The following BABAM2 variants were observed in gnomAD, a reference collection of about 807,000 sequenced individuals.
BABAM2 encodes the protein BRISC and BRCA1 A complex member 2, also known as BRISC and BRCA1-A complex member 2.
Under a neutral mutation model 54.7 loss-of-function variants are expected in BABAM2, and 31 were observed. The ratio of observed to expected loss-of-function variants is 0.57; its 90% CI spans 0.43 to 0.77. The LOEUF (loss-of-function observed/expected upper bound fraction) is 0.77. Ranked by LOEUF, BABAM2 falls within the 30% of genes least tolerant of loss-of-function variation. The pLI is 0.00. For synonymous variants in BABAM2, 167 were observed against 162.9 expected (o/e 1.03, Z -0.19); for missense variants, 364 against 455.8 (o/e 0.80, Z 1.83).
chr2:28,107,748 T>G (rs546982210), intron 6 of BABAM2, among the ~76,000 whole-genome samples: 31 of 152,214 alleles, frequency 2.0e-4, no homozygotes, highest in Admixed American at 5.2e-4. Flanking sequence ...ATGAATAGTT[T>G]AGTTGTTTAT....
chr2:28,092,777 T>G (rs199899381), intron 6 of BABAM2, among the ~76,000 whole-genome samples: 2 of 148,418 alleles, frequency 1.3e-5, no homozygotes, highest in Non-Finnish European at 3.0e-5. Flanking sequence ...TCTCTCACGC[T>G]CTCTCTCTCT....
chr2:28,282,437 C>G (rs543270180), intron 10 of BABAM2, among the ~76,000 whole-genome samples: 34 of 152,078 alleles, frequency 2.2e-4, no homozygotes, highest in Non-Finnish European at 3.5e-4. Context: ...GTAGATCAGC[C>G]AAAATGCCCA....
At chr2:28,012,689 G>A (rs942437240) in intron 4 of BABAM2, among the ~76,000 whole-genome samples, 3 of 152,134 alleles carry the variant, frequency 2.0e-5, no homozygotes, top group African/African-American at 4.8e-5. Context: ...TCTCTAATGC[G>A]TGTTTTGGAA....
At chr2:28,186,639 A>G (rs1385108877) in intron 7 of BABAM2, among the ~76,000 whole-genome samples, 1 of 151,828 alleles carries the variant, frequency 6.6e-6, no homozygotes, top group Non-Finnish European at 1.5e-5. Context: ...GGGGAGAAAG[A>G]GAGAGAGTAT....
chr2:28,107,071 G>A (rs75890165), intron 6 of BABAM2, among the ~76,000 whole-genome samples: 9,302 of 152,048 alleles, frequency 0.061, 359 homozygotes, highest in East Asian at 0.13. Context: ...TAATATATAG[G>A]TTACACACAT....
chr2:28,186,278 C>T (rs1676270112), intron 7 of BABAM2, among the ~76,000 whole-genome samples: 2 of 152,134 alleles, frequency 1.3e-5, no homozygotes, highest in African/African-American at 4.8e-5. Flanking sequence ...ACCTTCGATA[C>T]CCATCATCCC....
intron 7 of BABAM2, among the ~76,000 whole-genome samples, chr2:28,194,868 G>T (rs1454485625): frequency 6.6e-6 from 1 of 151,918 alleles, no homozygotes; most frequent in Non-Finnish European, 1.5e-5. Context: ...CCAAATTTTT[G>T]CAGTCTTAAT....
intron 6 of BABAM2, among the ~76,000 whole-genome samples, chr2:28,087,916 C>T (rs1375029261): frequency 6.6e-6 from 1 of 152,160 alleles, no homozygotes; most frequent in East Asian, 1.9e-4. Context: ...TCCCAAAGTG[C>T]TGGGATTACA....
At chr2:27,942,421 C>T (rs372407502) in intron 3 of BABAM2, among the ~76,000 whole-genome samples, 17 of 151,786 alleles carry the variant, frequency 1.1e-4, no homozygotes, top group South Asian at 6.3e-4. Context: ...AGCACAGTGG[C>T]GCGATCACAA....
Position 27,933,288 on chromosome 2 carries a change from A to G in BABAM2, c.205+3380A>G, listed in dbSNP as rs115030480. 5.8e-3 allele frequency among the ~76,000 whole-genome samples: 882 copies of G among 152,254 alleles called. 4 individuals are homozygous for G. The highest frequency in any genetic ancestry group is 7.9e-3 in the Non-Finnish European group (540 of 68,024). On this transcript the variant is annotated intron_variant, in intron 3 of 11. Transcript: ENST00000379624. ...TTGGGGACTTAATTTAGCCCACAGT[A>G]TGCTCTATAATAAATAAATAATAAG...
At chr2:28,055,022 AT>A in intron 6 of BABAM2, among the ~76,000 whole-genome samples, 1 of 152,338 alleles carries the variant, frequency 6.6e-6, no homozygotes, top group East Asian at 1.9e-4. Flanking sequence ...TTAAATGCCC[AT>A]CAGTGGTAGA....
chr2:27,970,209 A>G (rs1452264926), intron 3 of BABAM2, among the ~76,000 whole-genome samples: 3 of 152,204 alleles, frequency 2.0e-5, no homozygotes, highest in African/African-American at 7.2e-5. Flanking sequence ...CAATGAAGTC[A>G]TCTGTTAGAT....
At chr2:28,052,027 A>G (rs1678035510) in intron 6 of BABAM2, among the ~76,000 whole-genome samples, 1 of 152,184 alleles carries the variant, frequency 6.6e-6, no homozygotes, top group Admixed American at 6.5e-5. Flanking sequence ...GAAAAAAAGC[A>G]TTTGAATTTG....
chr2:28,218,145 C>T (rs1401103041), intron 7 of BABAM2, among the ~76,000 whole-genome samples: 1 of 151,988 alleles, frequency 6.6e-6, no homozygotes, highest in Non-Finnish European at 1.5e-5. Context: ...CATTTTTTTC[C>T]TAAACTATTT....
intron 2 of BABAM2, among the ~76,000 whole-genome samples, chr2:27,915,583 T>C (rs1385633862): frequency 6.6e-6 from 1 of 152,212 alleles, no homozygotes; most frequent in Non-Finnish European, 1.5e-5. Flanking sequence ...ATGGCACACT[T>C]ATCCCATTAC....
At chr2:27,890,237 G>A (rs1558562905), upstream of BABAM2, 4 of 1,611,256 alleles carry the variant, frequency 2.5e-6, no homozygotes, top group African/African-American at 2.7e-5. The surrounding 1 kb of genome is among the most constrained non-coding windows in gnomAD (Gnocchi z 4.8). Context: ...CGCAGACTGA[G>A]TAACTGGCCC....
chr2:27,889,388 G>A (rs1433678600), upstream of BABAM2, among the ~76,000 whole-genome samples: 5 of 152,160 alleles, frequency 3.3e-5, no homozygotes, highest in Non-Finnish European at 7.3e-5. Flanking sequence ...ATAACACAAA[G>A]TAGCATTACA....
At chr2:27,904,751 C>T (rs902414526) in intron 2 of BABAM2, among the ~76,000 whole-genome samples, 1 of 152,166 alleles carries the variant, frequency 6.6e-6, no homozygotes, top group Non-Finnish European at 1.5e-5. Context: ...AACTTCTGTA[C>T]CTGCCCAAAT....
chr2:27,987,552 C>T (rs953023068), intron 3 of BABAM2, among the ~76,000 whole-genome samples: 2 of 152,076 alleles, frequency 1.3e-5, no homozygotes, highest in Non-Finnish European at 2.9e-5. Context: ...TAGTGGCTCA[C>T]ACCTATAATC....
Sources: allele counts gnomAD v4.1 joint callset (sites outside exome capture counted in the v4.1 genomes callset), GRCh38; gene constraint gnomAD v4.1.1; non-coding constraint Gnocchi (gnomAD v3.1); transcripts MANE v1.5; gene names NCBI Gene and HGNC (gene_info 2026-07-23, HGNC 2026-07-21).